The following PTPRB variants were observed in gnomAD, a reference collection of about 807,000 sequenced individuals.
PTPRB encodes receptor-type tyrosine-protein phosphatase beta.
Under a neutral mutation model 238.1 loss-of-function variants are expected in PTPRB, and 97 were observed. The ratio of observed to expected loss-of-function variants is 0.41; its 90% CI spans 0.35 to 0.48. The LOEUF (loss-of-function observed/expected upper bound fraction) is 0.48, where lower values mean the gene tolerates loss of function less well. PTPRB is among the 20% of genes least tolerant of loss of function. The pLI is 0.30. For synonymous variants in PTPRB, 970 were observed against 995.4 expected (o/e 0.97, Z 0.48); for missense variants, 2,292 against 2,681.9 (o/e 0.85, Z 3.21).
At chr12:70,578,997 C>T (rs1881083618) in intron 10 of PTPRB, among the ~76,000 whole-genome samples, 1 of 152,152 alleles carries the variant, frequency 6.6e-6, no homozygotes, top group African/African-American at 2.4e-5. Context: ...GCTCTGAGGA[C>T]CTACAGCAAA....
chr12:70,538,276 C>T, intron 27 of PTPRB, 45 bp from the exon 28 acceptor site: 1 of 1,533,134 alleles, frequency 6.5e-7, no homozygotes, highest in Non-Finnish European at 9.0e-7. Flanking sequence ...GACTTTTCTA[C>T]AGTTTATGTG....
At position 70,572,965 on chromosome 12, in the gene PTPRB, G is replaced by A. The variant is rs186384089; in HGVS notation, c.2843-878C>T. Among the ~76,000 whole-genome samples the A allele has an allele frequency of 1.1e-4, 17 of 151,832 alleles. No homozygotes were observed. In the East Asian group the frequency reaches 1.9e-3, roughly 17 times the overall value. ...AATTAAAAAACTATATAAAAACCAC[G>A]TGTAGAAGAATATATACAGGAGACT... is the stretch of plus-strand genomic sequence containing the variant. On this transcript the variant is annotated intron_variant, in intron 11 of 33. Transcript: ENST00000334414.
At chr12:70,546,815 G>A (rs1876036261) in intron 21 of PTPRB, among the ~76,000 whole-genome samples, 1 of 152,126 alleles carries the variant, frequency 6.6e-6, no homozygotes, top group African/African-American at 2.4e-5. Context: ...CAGGGAGGCT[G>A]GAGGAGAAGC....
chr12:70,636,068 T>A lies in PTPRB; in HGVS notation c.56-2A>T, dbSNP rs771349579. 1.9e-6 allele frequency: 3 copies of A among 1,600,972 alleles called. No homozygotes were observed. The highest frequency in any genetic ancestry group is 2.6e-6 in the Non-Finnish European group (3 of 1,172,882). ...GGACATGGACAATCTGAAACCCTTC[T>A]GGAAGATGAAAAGCTCATAAAGCAC... On this transcript the variant is annotated splice_acceptor_variant, in intron 1 of 33. Coordinates refer to ENST00000334414, the MANE Select transcript of PTPRB (RefSeq NM_001109754.4). LOFTEE classifies it high-confidence loss of function.
intron 10 of PTPRB, among the ~76,000 whole-genome samples, chr12:70,579,295 C>T (rs1881113501): frequency 2.0e-5 from 3 of 152,144 alleles, no homozygotes; most frequent in African/African-American, 4.8e-5. Flanking sequence ...AAAACCTAGG[C>T]CTCCTGATTT....
At chr12:70,522,467 G>A (rs1871758215) in intron 33 of PTPRB, 1 of 152,190 alleles carries the variant, frequency 6.6e-6, no homozygotes, top group Non-Finnish European at 1.5e-5. Context: ...GCTAAATGTT[G>A]GGGTAATTTG....
chr12:70,537,499 C>T (rs934875985), intron 28 of PTPRB, among the ~76,000 whole-genome samples: 1 of 152,056 alleles, frequency 6.6e-6, no homozygotes, highest in African/African-American at 2.4e-5. Context: ...TCCATCTTAT[C>T]CCATGCCTGT....
At chr12:70,535,084 CTACTT>C in intron 29 of PTPRB, 129 bp from the exon 30 acceptor site, 1 of 1,085,336 alleles carries the variant, frequency 9.2e-7, no homozygotes, top group Non-Finnish European at 1.3e-6. Flanking sequence ...ATTTGACCAT[CTACTT>C]TATATTAACC....
chr12:70,541,735 C>T (rs993459932), intron 22 of PTPRB: 2 of 152,162 alleles, frequency 1.3e-5, no homozygotes, highest in Non-Finnish European at 1.5e-5. Context: ...TTGGGACTGG[C>T]TCCTTTCATT....
chr12:70,564,293 C>T (rs935479403), intron 15 of PTPRB, among the ~76,000 whole-genome samples: 1 of 152,000 alleles, frequency 6.6e-6, no homozygotes, highest in African/African-American at 2.4e-5. Flanking sequence ...GGGTGGATCA[C>T]CTGAGGTCAG....
intron 21 of PTPRB, among the ~76,000 whole-genome samples, chr12:70,551,950 A>G (rs770686873): frequency 6.6e-6 from 1 of 152,110 alleles, no homozygotes; most frequent in East Asian, 1.9e-4. Context: ...AGTCATCTCC[A>G]TGGGGAAAAA....
intron 32 of PTPRB, among the ~76,000 whole-genome samples, chr12:70,527,262 A>C (rs969969891): frequency 1.3e-5 from 2 of 152,212 alleles, no homozygotes; most frequent in African/African-American, 2.4e-5. Context: ...TTCATACAGG[A>C]GAGAAAGCCA....
intron 11 of PTPRB, among the ~76,000 whole-genome samples, chr12:70,572,584 A>T (rs1880196083): frequency 6.6e-6 from 1 of 152,010 alleles, no homozygotes; most frequent in Admixed American, 6.6e-5. Flanking sequence ...CCTGGCCAAC[A>T]TGGTGAAACC....
In PTPRB at chr12:70,581,142, G is replaced by T. The variant is rs1881345459; in HGVS notation, c.2472C>A (p.Ser824Arg). 6.2e-7 allele frequency: 1 copy of T among 1,613,848 alleles called. No homozygotes were observed. Among genetic ancestry groups the T allele is most frequent in the Non-Finnish European group, 8.5e-7 (1 of 1,179,870 alleles). The change falls in exon 10 of 34, where the codon AGC becomes AGA. Residue 824 changes from serine to arginine, a missense_variant. By Grantham distance (110) the Ser-to-Arg change is moderately radical. Around this residue, in one of 4 missense-constraint regions of PTPRB, gnomAD observed 1,205 missense variants for 1,287.8 expected, o/e 0.94. Coordinates refer to ENST00000334414, the MANE Select transcript of PTPRB (RefSeq NM_001109754.4). ...IKNESISSETSRYSFHSLKSG... is the reference protein window; with the variant it reads ...IKNESISSETRRYSFHSLKSG... ...ACTTGAGAGAGTGGAAGCTGTATCT[G>T]CTGGTCTCACTGGAGATGCTTTCAT...
intron 3 of PTPRB, among the ~76,000 whole-genome samples, chr12:70,618,271 T>A (rs780283046): frequency 3.9e-5 from 6 of 152,132 alleles, no homozygotes; most frequent in East Asian, 1.9e-4. Context: ...GGGTAATTTT[T>A]AATTTTTTTA....
chr12:70,579,131 T>A (rs562034363), intron 10 of PTPRB, among the ~76,000 whole-genome samples: 6 of 152,210 alleles, frequency 3.9e-5, no homozygotes, highest in Admixed American at 1.3e-4. Context: ...CAACTGCAAA[T>A]CACTGGGAAA....
chr12:70,537,363 CT>C (rs1483939919), intron 28 of PTPRB, among the ~76,000 whole-genome samples: 2 of 151,204 alleles, frequency 1.3e-5, no homozygotes, highest in Non-Finnish European at 2.9e-5. Flanking sequence ...CAGAATCTGC[CT>C]TTTCACAAGA....
At position 70,538,037 on chromosome 12, in the gene PTPRB, C is replaced by T. The variant is rs1874442490; in HGVS notation, c.5946+118G>A. On this transcript the variant is annotated intron_variant, in intron 28 of 33. Coordinates refer to ENST00000334414, the MANE Select transcript of PTPRB (RefSeq NM_001109754.4). ...TTTTATGGCATTCAGATGTGCTCTT[C>T]TGAAATCTACAGGTGTTTCCAGACC... 5 of 806,710 alleles carry T rather than the reference C, an allele frequency of 6.2e-6. No individual in the cohort carries two copies. The East Asian group carries it at 1.3e-4, about 21-fold the overall frequency. 50.0% of individuals were successfully genotyped at this position (806,710 alleles called of 1,614,324 possible).
At chr12:70,531,688 G>GTCTT (rs1338224858) in intron 32 of PTPRB, among the ~76,000 whole-genome samples, 1 of 152,146 alleles carries the variant, frequency 6.6e-6, no homozygotes, top group Non-Finnish European at 1.5e-5. Context: ...GAAGCACGTG[G>GTCTT]TCTTTACCAT....
Sources: allele counts gnomAD v4.1 joint callset (sites outside exome capture counted in the v4.1 genomes callset), GRCh38; gene constraint gnomAD v4.1.1; regional missense constraint gnomAD v4.1.1; transcripts MANE v1.5; gene names NCBI Gene and HGNC (gene_info 2026-07-23, HGNC 2026-07-21).